CFAP46: variants seen among roughly 807,000 people sequenced by gnomAD.
The protein encoded by CFAP46 is cilia- and flagella-associated protein 46.
Under a neutral mutation model 325.7 loss-of-function variants are expected in CFAP46, and 245 were observed. The ratio of observed to expected loss-of-function variants is 0.75; its 90% CI spans 0.68 to 0.84. The LOEUF is 0.84. Among genes scored for constraint, CFAP46 ranks in the 40% least tolerant of loss-of-function variants. The probability of loss-of-function intolerance (pLI) is 0.00; values close to 1 mark genes in which losing one functional copy is unlikely to be tolerated. For synonymous variants in CFAP46, 1,523 were observed against 1,495.9 expected (o/e 1.02, Z -0.42); for missense variants, 3,346 against 3,543.0 (o/e 0.94, Z 1.41).
chr10:132,831,769 T>C (rs1848150911), intron 50 of CFAP46, among the ~76,000 whole-genome samples: 1 of 152,232 alleles, frequency 6.6e-6, no homozygotes, highest in African/African-American at 2.4e-5. Context: ...TATCTTGCTA[T>C]TTGTTTTTCT....
At chr10:132,837,576 CATGCACACGTACACAG>C (rs1848277055) in intron 44 of CFAP46, among the ~76,000 whole-genome samples, 2 of 144,754 alleles carry the variant, frequency 1.4e-5, no homozygotes, top group Non-Finnish European at 3.0e-5. Flanking sequence ...CGGACACACA[CATGCACACGTACACAG>C]ATGCGCACGG....
At position 132,846,081 on chromosome 10, in the gene CFAP46, C is replaced by T. The variant is rs763347889; in HGVS notation, c.6414G>A (p.Glu2138=). 3.1e-6 allele frequency: 5 copies of T among 1,594,778 alleles called. No individual in the cohort carries two copies. Among genetic ancestry groups the T allele is most frequent in the African/African-American group, 1.3e-5 (1 of 74,562 alleles). Residue 2138 remains glutamate (E), a synonymous_variant, in exon 44 of 58, where the codon GAG becomes GAA. Transcript: ENST00000368586. ...RTTTSLGARV[E]QRLAAVSKAW... ...CCTTGGACACGGCGGCCAGCCTCTG[C>T]TCCACACGGGCGCCCAGGCTGGTGG...
In CFAP46 at chr10:132,814,188, C is replaced by T. The variant is rs186641656; in HGVS notation, c.7352G>A (p.Arg2451Gln). ...LERFQDTFTS[R>Q]WAGHLGSKHF... ...CTTGCTTCCCAGATGTCCCGCCCAT[C>T]GCGACGTGAATGTGTCTTGGAATCT... Residue 2451 changes from arginine to glutamine, a missense_variant, in exon 54 of 58, where the codon CGA becomes CAA. Coordinates refer to ENST00000368586, the MANE Select transcript of CFAP46 (RefSeq NM_001200049.3). The T allele has an allele frequency of 8.2e-5, 133 of 1,613,900 alleles. 1 individual carries two copies. The East Asian group carries it at 1.3e-3, about 16-fold the overall frequency.
At chr10:132,925,428 A>T (rs2135642460) in intron 10 of CFAP46, among the ~76,000 whole-genome samples, 1 of 152,288 alleles carries the variant, frequency 6.6e-6, no homozygotes, top group South Asian at 2.1e-4. Context: ...CCTGAACCTC[A>T]CAACTCCATC....
At chr10:132,836,626 C>T (rs1253226950) in intron 45 of CFAP46, among the ~76,000 whole-genome samples, 191 bp downstream of exon 45, 1 of 75,184 alleles carries the variant, frequency 1.3e-5, no homozygotes, top group East Asian at 2.8e-4. Context: ...TGTGTGGCGT[C>T]TCTGGACGGC....
rs778593022 is a variant in CFAP46, at chr10:132,869,265, G to A, written c.4610+9C>T. On this transcript the variant is annotated intron_variant, in intron 33 of 57. Coordinates refer to ENST00000368586, the MANE Select transcript of CFAP46 (RefSeq NM_001200049.3). The surrounding 1 kb of genome is among the most constrained non-coding windows in gnomAD (Gnocchi z 6.2). Reference sequence around the variant, plus strand: ...AACCCCAGGCGGCGCAGGGTGGGACGGCACACACCTGGCCTGCTCCAGCTC... The same window carrying A: ...AACCCCAGGCGGCGCAGGGTGGGACAGCACACACCTGGCCTGCTCCAGCTC... 66 of 1,521,220 alleles carry A rather than the reference G, an allele frequency of 4.3e-5. No individual in the cohort carries two copies. Among genetic ancestry groups the A allele is most frequent in the East Asian group, 7.5e-5 (3 of 39,984 alleles). 94.2% of individuals were successfully genotyped at this position (1,521,220 alleles called of 1,614,324 possible).
At position 132,886,564 on chromosome 10, in the gene CFAP46, C is replaced by T. The variant is rs1849134980; in HGVS notation, c.3305-605G>A. Among the ~76,000 whole-genome samples the T allele has an allele frequency of 6.6e-6, 1 of 152,180 alleles. No homozygotes were observed. The highest frequency in any genetic ancestry group is 2.1e-4 in the South Asian group (1 of 4,834). Reference sequence around the variant, plus strand: ...AGTGCCCCCAAATGCACGAAGCCAGCAGGGTGGATCCTGGTGGGATGGAAC... The same window carrying T: ...AGTGCCCCCAAATGCACGAAGCCAGTAGGGTGGATCCTGGTGGGATGGAAC... On this transcript the variant is annotated intron_variant, in intron 25 of 57. Coordinates refer to ENST00000368586, the MANE Select transcript of CFAP46 (RefSeq NM_001200049.3). This position sits in a 1 kb window ranked among gnomAD's most constrained non-coding sequence, Gnocchi z 5.8.
At position 132,880,824 on chromosome 10, in the gene CFAP46, G is replaced by A. The variant is rs370043685; in HGVS notation, c.3799+37C>T. 1.1e-5 allele frequency: 17 copies of A among 1,532,272 alleles called. No homozygotes were observed. In the South Asian group the frequency reaches 1.9e-4, roughly 17 times the overall value. The allele number at this position is 1,532,272 out of a possible 1,614,324, so 94.9% of individuals were successfully genotyped here. A position where few individuals can be genotyped will look rare whatever the true frequency, so the allele number is the denominator to read the frequency against. On this transcript the variant is annotated intron_variant, in intron 28 of 57. Transcript: ENST00000368586. ...GCAGGAAGCAGAGCTCTGGGGAGCG[G>A]CGTGGGGTCGGCACCCTGCCAGCGG...
Position 132,865,911 on chromosome 10 carries a change from G to A in CFAP46, c.4890+114C>T, listed in dbSNP as rs1848806007. On this transcript the variant is annotated intron_variant, in intron 35 of 57. Transcript: ENST00000368586. The stretch of plus-strand genomic sequence containing the variant: ...AGCTGGACCCAGACAAGAGAGGCAC[G>A]TGGCCCTGCTAGAGCTGAACGCTAC... The A allele has an allele frequency of 1.9e-5, 20 of 1,074,310 alleles. No homozygotes were observed. In the Middle Eastern group the frequency reaches 1.4e-3, roughly 73 times the overall value. 66.5% of individuals were successfully genotyped at this position (1,074,310 alleles called of 1,614,324 possible).
At chr10:132,824,749 T>A (rs1848002084) in intron 50 of CFAP46, among the ~76,000 whole-genome samples, 1 of 104,094 alleles carries the variant, frequency 9.6e-6, no homozygotes, top group Admixed American at 9.8e-5. Flanking sequence ...TGCTGTGTGC[T>A]GTGTGAGTGC....
intron 50 of CFAP46, among the ~76,000 whole-genome samples, chr10:132,822,609 T>G (rs1460692145): frequency 2.8e-5 from 4 of 144,162 alleles, no homozygotes; most frequent in Admixed American, 6.8e-5. Flanking sequence ...TGATGTGTGC[T>G]GTGTGTTGTG....
At chr10:132,858,589 G>A (rs982686198) in intron 38 of CFAP46, among the ~76,000 whole-genome samples, 3 of 152,084 alleles carry the variant, frequency 2.0e-5, no homozygotes, top group South Asian at 2.1e-4. Flanking sequence ...CTGAGATGCC[G>A]TCTGCGGCCG....
chr10:132,862,963 G>C (rs1848745041), intron 35 of CFAP46, among the ~76,000 whole-genome samples: 1 of 152,144 alleles, frequency 6.6e-6, no homozygotes, highest in Non-Finnish European at 1.5e-5. Flanking sequence ...CTTCAGGCAA[G>C]AGGGCGGGAA....
chr10:132,834,866 C>A, intron 47 of CFAP46, 91 bp from the exon 48 acceptor site: 1 of 1,471,746 alleles, frequency 6.8e-7, no homozygotes, highest in South Asian at 1.4e-5. Flanking sequence ...AGGCCGAGCT[C>A]CTGCCCCTTC....
In CFAP46 at chr10:132,860,279, G is replaced by A. The variant is rs140870112; in HGVS notation, c.5198+138C>T. On this transcript the variant is annotated intron_variant, in intron 37 of 57. Transcript: ENST00000368586. Reference sequence around the variant, plus strand: ...CTTCTGGAGCTTTCTGGAGCTGCACGGAAAGCTGTGGATATGTGGCCCCAT... The same window carrying A: ...CTTCTGGAGCTTTCTGGAGCTGCACAGAAAGCTGTGGATATGTGGCCCCAT... 1,635 of 627,956 alleles carry A rather than the reference G, an allele frequency of 2.6e-3. 23 individuals carry two copies. The highest frequency in any genetic ancestry group is 0.026 in the African/African-American group (1,409 of 54,552). 38.9% of individuals were successfully genotyped at this position (627,956 alleles called of 1,614,324 possible).
chr10:132,886,886 C>T lies in CFAP46; in HGVS notation c.3305-927G>A, dbSNP rs1202517434. Among the ~76,000 whole-genome samples the T allele has an allele frequency of 3.3e-5, 5 of 152,064 alleles. No homozygotes were observed. The highest frequency in any genetic ancestry group is 9.7e-5 in the African/African-American group (4 of 41,372). On this transcript the variant is annotated intron_variant, in intron 25 of 57. Transcript: ENST00000368586. This position sits in a 1 kb window ranked among gnomAD's most constrained non-coding sequence, Gnocchi z 5.8. ...CTAGAATGCTGACGCGTCCCCTCCC[C>T]GTCATGGGCGCTGCCCAGCCCAGCC... is the stretch of plus-strand genomic sequence containing the variant.
intron 17 of CFAP46, among the ~76,000 whole-genome samples, chr10:132,915,984 G>A (rs1168439946): frequency 6.6e-6 from 1 of 152,100 alleles, no homozygotes; most frequent in East Asian, 1.9e-4. Context: ...ATCATTGCTG[G>A]TACAAGCACT....
intron 35 of CFAP46, among the ~76,000 whole-genome samples, chr10:132,862,276 C>T (rs2387072): frequency 0.079 from 12,086 of 152,200 alleles, 1,234 homozygotes; most frequent in African/African-American, 0.24. Flanking sequence ...AAGGGTCCAA[C>T]GGGGCCGGGC....
chr10:132,885,777 A>G, intron 26 of CFAP46, 44 bp downstream of exon 26: 5 of 1,401,310 alleles, frequency 3.6e-6, no homozygotes, highest in Non-Finnish European at 4.7e-6. Flanking sequence ...GGGAGCACTC[A>G]GGCGGTGGAG....
Sources: allele counts gnomAD v4.1 joint callset (sites outside exome capture counted in the v4.1 genomes callset), GRCh38; gene constraint gnomAD v4.1.1; non-coding constraint Gnocchi (gnomAD v3.1); transcripts MANE v1.5; gene names NCBI Gene and HGNC (gene_info 2026-07-23, HGNC 2026-07-21).